Variants in GALNT14 observed in about 807,000 individuals in gnomAD.
GALNT14 encodes the protein polypeptide N-acetylgalactosaminyltransferase 14, also known as UDP-GalNAc:polypeptide N-acetylgalactosaminyltransferase 14.
A neutral mutation model predicts 77.5 loss-of-function variants in GALNT14; 60 were observed. The observed-to-expected ratio is 0.77, with a 90% CI of 0.63 to 0.96. The LOEUF (loss-of-function observed/expected upper bound fraction) is 0.96. Ranked by LOEUF, GALNT14 falls within the 40% of genes least tolerant of loss-of-function variation. The probability of loss-of-function intolerance (pLI) is 0.00; values close to 1 mark genes in which losing one functional copy is unlikely to be tolerated. For missense variants in GALNT14, 710 were observed against 731.0 expected (o/e 0.97, Z 0.33); for synonymous variants, 280 against 281.7 (o/e 0.99, Z 0.06).
At chr2:30,924,629 T>G in intron 12 of GALNT14, 111 bp downstream of exon 12, 1 of 833,766 alleles carries the variant, frequency 1.2e-6, no homozygotes, top group Admixed American at 2.2e-5. Flanking sequence ...ACACCTCTGA[T>G]ATACATAAAA....
At chr2:31,075,920 A>C (rs1440056470) in intron 1 of GALNT14, among the ~76,000 whole-genome samples, 1 of 152,226 alleles carries the variant, frequency 6.6e-6, no homozygotes, top group Non-Finnish European at 1.5e-5. Flanking sequence ...CCCAAGTCCC[A>C]CAAGAGCAGA....
At chr2:31,035,657 AC>A (rs1672695852) in intron 1 of GALNT14, among the ~76,000 whole-genome samples, 1 of 145,354 alleles carries the variant, frequency 6.9e-6, no homozygotes, top group Admixed American at 6.8e-5. Flanking sequence ...ACACACACAC[AC>A]TATGGAATAC....
intron 1 of GALNT14, among the ~76,000 whole-genome samples, chr2:31,098,558 ATT>A (rs1450475173): frequency 6.6e-6 from 1 of 152,126 alleles, no homozygotes; most frequent in African/African-American, 2.4e-5. Context: ...AAGGGAAACC[ATT>A]GTTAGTCTGT....
At position 31,124,722 on chromosome 2, in the gene GALNT14, G is replaced by C. The variant is rs149374408; in HGVS notation, c.129+13236C>G. Among the ~76,000 whole-genome samples, 68 of 152,318 alleles carry C rather than the reference G, an allele frequency of 4.5e-4. 1 individual carries two copies. In the East Asian group the frequency reaches 9.5e-3, roughly 21 times the overall value. On this transcript the variant is annotated intron_variant, in intron 1 of 14. Coordinates refer to ENST00000349752, the MANE Select transcript of GALNT14 (RefSeq NM_024572.4). ...TGCAACCTCCCAGGCACTGTTTAAA[G>C]AGAAAGGCACCAACCTTAAATAACC...
the GALNT14 span, among the ~76,000 whole-genome samples, chr2:30,901,353 C>G: frequency 0.015 from 2,297 of 152,036 alleles, 27 homozygotes; most frequent in Non-Finnish European, 0.024. Flanking sequence ...CTAAAAAATC[C>G]CATTTCTCCC....
chr2:30,897,748 C>T, the GALNT14 span, among the ~76,000 whole-genome samples: 28,512 of 152,186 alleles, frequency 0.19, 2,787 homozygotes, highest in Middle Eastern at 0.22. Flanking sequence ...GGAACACAGA[C>T]CGCTGGGACT....
chr2:30,916,863 G>A (rs1664711214), intron 13 of GALNT14, among the ~76,000 whole-genome samples: 1 of 151,992 alleles, frequency 6.6e-6, no homozygotes, highest in African/African-American at 2.4e-5. Flanking sequence ...TGGATCACGA[G>A]GTCAGGAGTT....
At position 30,924,825 on chromosome 2, in the gene GALNT14, T is replaced by C; in HGVS notation, c.1152-2A>G. 6.2e-7 allele frequency: 1 copy of C among 1,613,154 alleles called. No homozygotes were observed. The highest frequency in any genetic ancestry group is 8.5e-7 in the Non-Finnish European group (1 of 1,179,622). On this transcript the variant is annotated splice_acceptor_variant, in intron 11 of 14. Coordinates refer to ENST00000349752, the MANE Select transcript of GALNT14 (RefSeq NM_024572.4). LOFTEE classifies it high-confidence loss of function. ...CTCAGGTCCAATCTGCTCTCAACAC[T>C]GGGGGCAACGGGGTTGTGGACAGAC...
At chr2:31,081,334 A>G (rs1391456655) in intron 1 of GALNT14, among the ~76,000 whole-genome samples, 1 of 152,266 alleles carries the variant, frequency 6.6e-6, no homozygotes, top group Non-Finnish European at 1.5e-5. Context: ...ACACATAGCA[A>G]GAATGTTTTC....
chr2:31,000,435 CTGTGTGTGTGTGTGTGTGTG>C (rs3223043), intron 1 of GALNT14, among the ~76,000 whole-genome samples: 2 of 145,974 alleles, frequency 1.4e-5, no homozygotes, highest in Admixed American at 6.8e-5. Context: ...ATATCACCAA[CTGTGTGTGTGTGTGTGTGTG>C]TGTGTGTGTG....
chr2:30,905,855 C>T (rs1480743813), downstream of GALNT14, among the ~76,000 whole-genome samples: 3 of 151,824 alleles, frequency 2.0e-5, no homozygotes, highest in East Asian at 1.9e-4. Flanking sequence ...AGACTAACAG[C>T]GGATCTCTCG....
intron 1 of GALNT14, among the ~76,000 whole-genome samples, chr2:31,103,194 C>T (rs557220777): frequency 2.0e-5 from 3 of 152,014 alleles, no homozygotes; most frequent in East Asian, 3.9e-4. Context: ...TTTCGTCTTT[C>T]TGTGATTGTT....
At chr2:31,099,152 A>G (rs537879765) in intron 1 of GALNT14, among the ~76,000 whole-genome samples, 1 of 152,260 alleles carries the variant, frequency 6.6e-6, no homozygotes, top group East Asian at 1.9e-4. Context: ...TCATTTTGCA[A>G]TCTGATAGAT....
At chr2:31,009,124 C>T (rs945654695) in intron 1 of GALNT14, among the ~76,000 whole-genome samples, 7 of 152,152 alleles carry the variant, frequency 4.6e-5, no homozygotes, top group Non-Finnish European at 1.0e-4. Flanking sequence ...TTCTTGAGTT[C>T]TTACTGTAAA....
At chr2:30,978,362 G>A (rs1255496268) in intron 2 of GALNT14, among the ~76,000 whole-genome samples, 1 of 152,186 alleles carries the variant, frequency 6.6e-6, no homozygotes, top group East Asian at 1.9e-4. Context: ...CTTCTTGCAG[G>A]CAGGGGCCAC....
chr2:30,898,306 T>C, the GALNT14 span, among the ~76,000 whole-genome samples: 1,265 of 152,328 alleles, frequency 8.3e-3, 26 homozygotes, highest in African/African-American at 0.028. Context: ...TGACATGTTA[T>C]AGCAGCTTGC....
chr2:30,958,324 T>C, intron 4 of GALNT14, 73 bp downstream of exon 4: 1 of 1,320,692 alleles, frequency 7.6e-7, no homozygotes, highest in Non-Finnish European at 1.1e-6. Context: ...ACCAGTGGAC[T>C]CACCTCTGCC....
chr2:30,957,545 T>A (rs1667439914), intron 4 of GALNT14, among the ~76,000 whole-genome samples: 1 of 151,996 alleles, frequency 6.6e-6, no homozygotes, highest in Admixed American at 6.5e-5. Context: ...GAACTCAGAG[T>A]CTTGATCTCA....
chr2:30,984,212 A>G (rs1452466324), intron 2 of GALNT14, among the ~76,000 whole-genome samples: 2 of 152,160 alleles, frequency 1.3e-5, no homozygotes, highest in East Asian at 1.9e-4. Context: ...GGAAGATCCA[A>G]TGTCCCCACC....
Sources: gnomAD v4.1 joint callset for allele counts (sites outside exome capture counted in the v4.1 genomes callset) on GRCh38, gnomAD v4.1.1 for gene constraint, MANE v1.5 for transcripts, NCBI Gene and HGNC (gene_info 2026-07-23, HGNC 2026-07-21) for gene names.